JAKMIP2: variants seen among roughly 807,000 people sequenced by gnomAD.
JAKMIP2 encodes janus kinase and microtubule interacting protein 2, also known as janus kinase and microtubule-interacting protein 2.
Under a neutral mutation model 115.0 loss-of-function variants are expected in JAKMIP2, and 25 were observed. The ratio of observed to expected loss-of-function variants is 0.22; its 90% confidence interval spans 0.16 to 0.30. The LOEUF is 0.30. JAKMIP2 is among the 10% of genes least tolerant of loss of function. The probability of loss-of-function intolerance (pLI) is 1.00; values close to 1 mark genes in which losing one functional copy is unlikely to be tolerated. For missense variants in JAKMIP2, 642 were observed against 957.6 expected (o/e 0.67, Z 4.35); for synonymous variants, 334 against 343.6 (o/e 0.97, Z 0.31).
At chr5:147,768,756 G>A (rs1047395756) in intron 1 of JAKMIP2, among the ~76,000 whole-genome samples, 7 of 152,030 alleles carry the variant, frequency 4.6e-5, no homozygotes, top group South Asian at 2.1e-4. Context: ...ATATGATTTC[G>A]CTTAAATAAG....
chr5:147,726,251 G>A (rs1753512318), intron 1 of JAKMIP2, among the ~76,000 whole-genome samples: 1 of 152,180 alleles, frequency 6.6e-6, no homozygotes, highest in Admixed American at 6.5e-5. Flanking sequence ...TCAATATTGG[G>A]TGCTAACTGG....
chr5:147,614,937 G>A (rs556542506), intron 19 of JAKMIP2, among the ~76,000 whole-genome samples: 11 of 152,298 alleles, frequency 7.2e-5, no homozygotes, highest in South Asian at 2.1e-4. Context: ...TTCTTGGATC[G>A]TAGGTATCTT....
chr5:147,608,401 T>A (rs1010912990), intron 20 of JAKMIP2, among the ~76,000 whole-genome samples: 5 of 152,132 alleles, frequency 3.3e-5, no homozygotes, highest in African/African-American at 1.2e-4. Context: ...TTCAAATAGC[T>A]TATTTGTTTC....
chr5:147,764,922 G>GAAAGAAAGAAAGAAAGAAAGAAAGAA (rs550191358), intron 1 of JAKMIP2, among the ~76,000 whole-genome samples: 1 of 71,754 alleles, frequency 1.4e-5, no homozygotes, highest in African/African-American at 8.5e-5. Context: ...AAGAAAGAAA[G>GAAAGAAAGAAAGAAAGAAAGAAAGAA]AGAGAGAGAG....
intron 1 of JAKMIP2, among the ~76,000 whole-genome samples, chr5:147,683,127 A>G (rs1462449359): frequency 6.6e-6 from 1 of 152,244 alleles, no homozygotes; most frequent in Non-Finnish European, 1.5e-5. Flanking sequence ...AAGGTCAGGC[A>G]GAGCAAGAAA....
chr5:147,659,756 G>A (rs990129348), intron 3 of JAKMIP2, among the ~76,000 whole-genome samples: 1 of 152,124 alleles, frequency 6.6e-6, no homozygotes, highest in African/African-American at 2.4e-5. Flanking sequence ...CGATATTTCT[G>A]CACTGTGTTT....
chr5:147,598,462 T>C (rs4705186), intron 21 of JAKMIP2, among the ~76,000 whole-genome samples: 4,646 of 148,376 alleles, frequency 0.031, 95 homozygotes, highest in Non-Finnish European at 0.047. Flanking sequence ...CTATCTATCA[T>C]CTATCTATGT....
At chr5:147,642,201 T>C (rs1251545088) in intron 7 of JAKMIP2, among the ~76,000 whole-genome samples, 2 of 152,204 alleles carry the variant, frequency 1.3e-5, no homozygotes, top group African/African-American at 4.8e-5. Flanking sequence ...AAAGCTGTCT[T>C]TGGCCTATTT....
chr5:147,707,769 T>C (rs1182064834), intron 1 of JAKMIP2, among the ~76,000 whole-genome samples: 1 of 152,228 alleles, frequency 6.6e-6, no homozygotes, highest in African/African-American at 2.4e-5. Context: ...AGTCAATGAC[T>C]GATATGCAAA....
chr5:147,650,450 T>G lies in JAKMIP2; in HGVS notation c.725A>C (p.Glu242Ala), dbSNP rs1190558316. ...GYVQKLQLQKEALDEQLFLVK... is the reference protein window; with the variant it reads ...GYVQKLQLQKAALDEQLFLVK... The stretch of plus-strand genomic sequence containing the variant: ...CAGAAAGAGTTGTTCGTCCAAAGCC[T>G]CCTTCTGAAGTTGGAGTTTCTGTAC... Residue 242 changes from glutamate to alanine, a missense_variant, in exon 4 of 22, where the codon GAG becomes GCG. Physicochemically the swap from Glu to Ala is moderately radical, Grantham distance 107 (BLOSUM62 -1). This residue lies in a region of JAKMIP2 where 439 missense variants were observed against 570.9 expected (regional missense o/e 0.77). Transcript: ENST00000616793. The G allele has an allele frequency of 6.2e-7, 1 of 1,613,854 alleles. No homozygotes were observed. Among genetic ancestry groups the G allele is most frequent in the Non-Finnish European group, 8.5e-7 (1 of 1,179,808 alleles).
intron 1 of JAKMIP2, among the ~76,000 whole-genome samples, chr5:147,732,044 G>A (rs1045056400): frequency 1.3e-5 from 2 of 152,292 alleles, no homozygotes; most frequent in African/African-American, 2.4e-5. Flanking sequence ...GTATTATTAC[G>A]TGGGTTTTTA....
intron 1 of JAKMIP2, among the ~76,000 whole-genome samples, chr5:147,674,894 G>T (rs1759843486): frequency 6.6e-6 from 1 of 152,086 alleles, no homozygotes. Context: ...GGAAGATGGT[G>T]GAAGAAAGTC....
intron 20 of JAKMIP2, among the ~76,000 whole-genome samples, chr5:147,605,940 A>T (rs1445530207): frequency 1.3e-5 from 2 of 152,066 alleles, no homozygotes; most frequent in Non-Finnish European, 2.9e-5. Context: ...ACCAGTGATG[A>T]TGAGCTTTTT....
At chr5:147,684,291 C>A (rs1760465659) in intron 1 of JAKMIP2, among the ~76,000 whole-genome samples, 1 of 127,020 alleles carries the variant, frequency 7.9e-6, no homozygotes. Flanking sequence ...TTCTAAGTGC[C>A]AGAGAACACA....
intron 1 of JAKMIP2, among the ~76,000 whole-genome samples, chr5:147,683,492 AAAAACAAAAC>A (rs1381095032): frequency 6.6e-6 from 1 of 152,200 alleles, no homozygotes; most frequent in African/African-American, 2.4e-5. Context: ...ACTCTGTCTT[AAAAACAAAAC>A]AAAACCAAAC....
chr5:147,621,249 CA>C (rs1435589359), intron 17 of JAKMIP2, among the ~76,000 whole-genome samples: 3 of 152,206 alleles, frequency 2.0e-5, no homozygotes, highest in Admixed American at 6.5e-5. Context: ...GCTTTTGCCA[CA>C]AAGCCAGTGT....
intron 1 of JAKMIP2, among the ~76,000 whole-genome samples, chr5:147,693,582 A>T (rs1037464501): frequency 1.6e-4 from 24 of 152,148 alleles, no homozygotes; most frequent in Admixed American, 7.2e-4. Context: ...ATTTTTTAAT[A>T]AAAAAAGGGG....
At chr5:147,763,988 A>G (rs1755022440) in intron 1 of JAKMIP2, among the ~76,000 whole-genome samples, 1 of 152,156 alleles carries the variant, frequency 6.6e-6, no homozygotes, top group Non-Finnish European at 1.5e-5. Context: ...GGAATGGAAA[A>G]TACTTAGAGA....
chr5:147,719,944 T>C (rs1039098095), intron 1 of JAKMIP2, among the ~76,000 whole-genome samples: 4 of 152,132 alleles, frequency 2.6e-5, no homozygotes, highest in African/African-American at 7.2e-5. Context: ...TTCTGAGTCT[T>C]GATGGTCTTT....
Sources: gnomAD v4.1 joint callset for allele counts (sites outside exome capture counted in the v4.1 genomes callset) on GRCh38, gnomAD v4.1.1 for gene constraint, gnomAD v4.1.1 regional missense constraint, MANE v1.5 for transcripts, NCBI Gene and HGNC (gene_info 2026-07-23, HGNC 2026-07-21) for gene names.